Variants in SCGB2B2 observed in about 807,000 individuals in gnomAD.
SCGB2B2 encodes secretoglobin family 2B member 2.
Under a neutral mutation model 7.6 loss-of-function variants are expected in SCGB2B2, and 11 were observed. That is an observed-to-expected ratio of 1.45 (90% CI 0.91 to 2.40). SCGB2B2 has a LOEUF of 2.40. Among genes scored for constraint, SCGB2B2 ranks in the 30% most tolerant of loss-of-function variants. The pLI, the probability that SCGB2B2 is intolerant of heterozygous loss-of-function variation, is 0.00. For missense variants in SCGB2B2, 104 were observed against 115.4 expected (o/e 0.90, Z 0.45); for synonymous variants, 50 against 48.6 (o/e 1.03, Z -0.12).
At chr19:34,662,466 T>A (rs879518463) in intron 1 of SCGB2B2, among the ~76,000 whole-genome samples, 2 of 149,774 alleles carry the variant, frequency 1.3e-5, no homozygotes, top group Non-Finnish European at 3.0e-5. Context: ...AAAACCATAT[T>A]AAAAATAACA....
intron 1 of SCGB2B2, among the ~76,000 whole-genome samples, chr19:34,625,808 G>C (rs1342684193): frequency 6.6e-6 from 1 of 152,192 alleles, no homozygotes; most frequent in African/African-American, 2.4e-5. Context: ...TCTGAGAACG[G>C]ACAGACTGCC....
At chr19:34,606,444 A>G (rs1263313285) in intron 1 of SCGB2B2, among the ~76,000 whole-genome samples, 1 of 151,922 alleles carries the variant, frequency 6.6e-6, no homozygotes, top group Non-Finnish European at 1.5e-5. Flanking sequence ...AAGGGTGGGG[A>G]GATTATTTGA....
rs1446054114 is a variant in SCGB2B2 at position 34,591,595 on chromosome 19, G to T, written c.*1960C>A. On this transcript the variant is annotated 3_prime_UTR_variant, in exon 4 of 4. Coordinates refer to ENST00000601241, the MANE Select transcript of SCGB2B2 (RefSeq NM_001025591.4). ...ATGGAAAGGATCCACCTTTCTGCAAGGTCCTGCGTGACCTGGCACTTGCCT... is the reference window on the plus strand; with the variant it reads ...ATGGAAAGGATCCACCTTTCTGCAATGTCCTGCGTGACCTGGCACTTGCCT... 6.6e-6 allele frequency among the ~76,000 whole-genome samples: 1 copy of T among 152,238 alleles called. No individual in the cohort carries two copies. Among genetic ancestry groups the T allele is most frequent in the Non-Finnish European group, 1.5e-5 (1 of 68,048 alleles).
At chr19:34,661,949 G>A (rs1029530905) in intron 1 of SCGB2B2, among the ~76,000 whole-genome samples, 1 of 151,638 alleles carries the variant, frequency 6.6e-6, no homozygotes, top group Non-Finnish European at 1.5e-5. Flanking sequence ...GCCTGATCTC[G>A]GCTCATCGTA....
chr19:34,650,708 T>A (rs531393723), intron 1 of SCGB2B2, among the ~76,000 whole-genome samples: 1 of 151,436 alleles, frequency 6.6e-6, no homozygotes, highest in African/African-American at 2.5e-5. Context: ...CTTCCTAAAC[T>A]CTTCCTGAAA....
At chr19:34,642,805 A>C (rs1259902767) in intron 1 of SCGB2B2, among the ~76,000 whole-genome samples, 1 of 151,842 alleles carries the variant, frequency 6.6e-6, no homozygotes, top group Non-Finnish European at 1.5e-5. Context: ...ACGTATATGA[A>C]AAAATGCTCA....
rs768805326 is a variant in SCGB2B2, at chr19:34,594,783, C to T, written c.-220G>A. On this transcript the variant is annotated 5_prime_UTR_variant, in exon 2 of 4. Coordinates refer to ENST00000601241, the MANE Select transcript of SCGB2B2 (RefSeq NM_001025591.4). ...GGGTGGCAGCGTATCGGGAACTGGA[C>T]TCAGCATGCAGTGGGAGGGGTTGGG... 5.1e-6 allele frequency: 3 copies of T among 585,684 alleles called. No individual in the cohort carries two copies. Among genetic ancestry groups the T allele is most frequent in the African/African-American group, 1.9e-5 (1 of 54,032 alleles). 36.3% of individuals were successfully genotyped at this position (585,684 alleles called of 1,614,324 possible).
In SCGB2B2 at chr19:34,676,055, G is replaced by C. The variant is rs770289632; in HGVS notation, c.-2457C>G. ...GCGGTTGCCGCTGGTTGTTCGGGTG[G>C]CCCGTTTTTATTCCCTTATTTGGCC... On this transcript the variant is annotated 5_prime_UTR_variant, in exon 1 of 4. Transcript: ENST00000601241. 1.3e-5 allele frequency: 2 copies of C among 152,208 alleles called. No homozygotes were observed. Among genetic ancestry groups the C allele is most frequent in the Non-Finnish European group, 2.9e-5 (2 of 68,072 alleles). 9.4% of individuals were successfully genotyped at this position (152,208 alleles called of 1,614,324 possible). A position where few individuals can be genotyped will look rare whatever the true frequency, so the allele number is the denominator to read the frequency against.
chr19:34,660,355 G>A (rs966690543), intron 1 of SCGB2B2, among the ~76,000 whole-genome samples: 2 of 152,120 alleles, frequency 1.3e-5, no homozygotes, highest in African/African-American at 2.4e-5. Flanking sequence ...GCAACCTACA[G>A]AATTGGAGAA....
intron 1 of SCGB2B2, among the ~76,000 whole-genome samples, chr19:34,627,571 C>G (rs1163288807): frequency 6.6e-6 from 1 of 152,186 alleles, no homozygotes; most frequent in Non-Finnish European, 1.5e-5. Context: ...AGCTAACTAT[C>G]CTAAATATAT....
Position 34,593,266 on chromosome 19 carries a change from GCCAAGA to G in SCGB2B2, c.*283_*288del. 1 of 340,734 alleles carries G rather than the reference GCCAAGA, an allele frequency of 2.9e-6. No homozygotes were observed. Among genetic ancestry groups the G allele is most frequent in the Non-Finnish European group, 5.4e-6 (1 of 185,188 alleles). The allele number at this position is 340,734 out of a possible 1,614,324, so 21.1% of individuals were successfully genotyped here. A position where few individuals can be genotyped will look rare whatever the true frequency, so the allele number is the denominator to read the frequency against. On this transcript the variant is annotated 3_prime_UTR_variant, in exon 4 of 4. Transcript: ENST00000601241. ...ACCCAGAAGGTGGAGGCTGCAGTGA[GCCAAGA>G]TCGCGCCAATGCACTCCAGCCACCC... is the stretch of plus-strand genomic sequence containing the variant.
At chr19:34,617,874 G>A (rs145250674) in intron 1 of SCGB2B2, among the ~76,000 whole-genome samples, 47 of 151,628 alleles carry the variant, frequency 3.1e-4, no homozygotes, top group African/African-American at 1.0e-3. Flanking sequence ...CGCAGTATTC[G>A]GGTGGGAGTG....
At chr19:34,598,375 G>C (rs1474976362) in intron 1 of SCGB2B2, among the ~76,000 whole-genome samples, 3 of 152,214 alleles carry the variant, frequency 2.0e-5, no homozygotes, top group Non-Finnish European at 4.4e-5. Context: ...CTGGCCTTGA[G>C]CCACCCACTT....
intron 1 of SCGB2B2, among the ~76,000 whole-genome samples, chr19:34,623,162 C>G (rs2066282620): frequency 6.6e-6 from 1 of 152,104 alleles, no homozygotes; most frequent in Non-Finnish European, 1.5e-5. Context: ...TCTTTGCTGC[C>G]TACAGGGCCA....
At chr19:34,655,744 G>A (rs1409765392) in intron 1 of SCGB2B2, among the ~76,000 whole-genome samples, 1 of 151,222 alleles carries the variant, frequency 6.6e-6, no homozygotes, top group Non-Finnish European at 1.5e-5. Flanking sequence ...AAAGTTAAGG[G>A]AAACCAATAA....
At chr19:34,627,248 A>C (rs937029217) in intron 1 of SCGB2B2, among the ~76,000 whole-genome samples, 1 of 152,240 alleles carries the variant, frequency 6.6e-6, no homozygotes, top group African/African-American at 2.4e-5. Context: ...GGTCAAATTC[A>C]CACATAACAA....
chr19:34,613,895 A>G (rs1173538536), intron 1 of SCGB2B2, among the ~76,000 whole-genome samples: 1 of 152,206 alleles, frequency 6.6e-6, no homozygotes, highest in Non-Finnish European at 1.5e-5. Context: ...TTTGCTCTGT[A>G]TAGTATTCTT....
At chr19:34,593,700 GTGTGTCTGCT>G (rs2065359410) in intron 3 of SCGB2B2, 101 bp from the exon 4 acceptor site, 2 of 909,942 alleles carry the variant, frequency 2.2e-6, no homozygotes, top group Admixed American at 2.2e-5. Flanking sequence ...AGCTCCTTGA[GTGTGTCTGCT>G]TGTTGGGGAT....
chr19:34,587,272 T>A (rs1480808252), downstream of SCGB2B2, among the ~76,000 whole-genome samples: 1 of 152,206 alleles, frequency 6.6e-6, no homozygotes, highest in Non-Finnish European at 1.5e-5. Flanking sequence ...CTAATTATGA[T>A]CTTACATTTT....
Sources: allele counts gnomAD v4.1 joint callset (sites outside exome capture counted in the v4.1 genomes callset), GRCh38; gene constraint gnomAD v4.1.1; transcripts MANE v1.5; gene names NCBI Gene and HGNC (gene_info 2026-07-23, HGNC 2026-07-21).